PCDHA1: variants seen among roughly 807,000 people sequenced by gnomAD.
The protein encoded by PCDHA1 is protocadherin alpha 1, also known as protocadherin alpha-1.
A neutral mutation model predicts 61.3 loss-of-function variants in PCDHA1; 42 were observed. The observed-to-expected ratio is 0.69, with a 90% CI of 0.54 to 0.89. PCDHA1 has a LOEUF of 0.89. Ranked by LOEUF, PCDHA1 falls within the 40% of genes least tolerant of loss-of-function variation. PCDHA1 has a pLI of 0.00. For missense variants in PCDHA1, 1,256 were observed against 1,235.3 expected (o/e 1.02, Z -0.25); for synonymous variants, 610 against 553.8 (o/e 1.10, Z -1.43).
intron 1 of PCDHA1, among the ~76,000 whole-genome samples, chr5:140,887,315 C>G (rs1239122037): frequency 1.3e-5 from 2 of 152,116 alleles, no homozygotes; most frequent in Non-Finnish European, 2.9e-5. Flanking sequence ...CCAGGATAGT[C>G]TCGAACTCCT....
chr5:140,882,174 CG>C, intron 1 of PCDHA1: 1 of 1,514,752 alleles, frequency 6.6e-7, no homozygotes, highest in South Asian at 1.4e-5. Flanking sequence ...CGAATCCTTC[CG>C]CACTAGGAAG....
At chr5:140,882,087 C>A in intron 1 of PCDHA1, 2 of 1,081,718 alleles carry the variant, frequency 1.8e-6, no homozygotes, top group Non-Finnish European at 2.6e-6. Flanking sequence ...TCGCTCTTCA[C>A]TGAGAACGTT....
chr5:140,808,058 T>G, intron 1 of PCDHA1: 2 of 1,613,892 alleles, frequency 1.2e-6, no homozygotes, highest in African/African-American at 1.3e-5. Flanking sequence ...AAATGTGAAA[T>G]CCAAGTTTCA....
intron 2 of PCDHA1, 35 bp downstream of exon 2, chr5:140,979,042 C>T (rs782163702): frequency 6.2e-7 from 1 of 1,612,562 alleles, no homozygotes; most frequent in African/African-American, 1.3e-5. Context: ...TCAGAAGTAA[C>T]CTTAACTTGG....
At chr5:140,803,013 T>G in intron 1 of PCDHA1, 1 of 1,614,030 alleles carries the variant, frequency 6.2e-7, no homozygotes, top group Non-Finnish European at 8.5e-7. Context: ...CTACAACGCG[T>G]GGCTTTCGTA....
intron 1 of PCDHA1, chr5:140,829,721 C>T: frequency 1.2e-6 from 2 of 1,613,590 alleles, no homozygotes; most frequent in Non-Finnish European, 1.7e-6. Flanking sequence ...GGGCGTGCCG[C>T]CTCTGGGCAG....
intron 3 of PCDHA1, among the ~76,000 whole-genome samples, chr5:141,001,365 T>C (rs577695639): frequency 6.6e-6 from 1 of 152,354 alleles, no homozygotes; most frequent in African/African-American, 2.4e-5. Context: ...AGCCTACTAT[T>C]CTGATTACAG....
chr5:140,794,810 A>T, intron 1 of PCDHA1: 1 of 793,402 alleles, frequency 1.3e-6, no homozygotes. Flanking sequence ...TGTCCACCAT[A>T]GAGTGTTCTC....
At chr5:140,810,968 ATTG>A (rs1373114679) in intron 1 of PCDHA1, 1 of 151,940 alleles carries the variant, frequency 6.6e-6, no homozygotes, top group Non-Finnish European at 1.5e-5. Context: ...TATTTTTATC[ATTG>A]TTGTGAGGTA....
In PCDHA1 at chr5:140,927,522, A is replaced by G. The variant is rs1292484442; in HGVS notation, c.2395-51427A>G. On this transcript the variant is annotated intron_variant, in intron 1 of 3. Coordinates refer to ENST00000504120, the MANE Select transcript of PCDHA1 (RefSeq NM_018900.4). ...TGCTTACAGCTCGGGACGGCGGGCT[A>G]CCTGCCCGCTCAGGAGACGCACAAG... 5.6e-6 allele frequency: 9 copies of G among 1,614,088 alleles called. No homozygotes were observed. In the South Asian group the frequency reaches 9.9e-5, roughly 18 times the overall value.
chr5:140,807,827 G>A (rs782460121), intron 1 of PCDHA1: 14 of 1,614,046 alleles, frequency 8.7e-6, no homozygotes, highest in Non-Finnish European at 1.1e-5. Flanking sequence ...AGTGCTCACA[G>A]CCACTGATGG....
chr5:140,863,231 C>T lies in PCDHA1; in HGVS notation c.2394+74547C>T, dbSNP rs189351986. On this transcript the variant is annotated intron_variant, in intron 1 of 3. Coordinates refer to ENST00000504120, the MANE Select transcript of PCDHA1 (RefSeq NM_018900.4). The stretch of plus-strand genomic sequence containing the variant: ...AGCAGCCAAGCGAGGAAGGTCCCAT[C>T]GCGGGCTTTGGCGGGCGTCGAGGTC... 2.5e-3 allele frequency: 3,078 copies of T among 1,227,642 alleles called. 13 individuals are homozygous for T. Among genetic ancestry groups the T allele is most frequent in the Middle Eastern group, 9.9e-3 (48 of 4,856 alleles). The allele number at this position is 1,227,642 out of a possible 1,614,324, so 76.0% of individuals were successfully genotyped here.
chr5:140,920,387 A>G (rs1163833842), intron 1 of PCDHA1, among the ~76,000 whole-genome samples: 3 of 152,098 alleles, frequency 2.0e-5, no homozygotes, highest in African/African-American at 7.2e-5. Context: ...TCATATTACC[A>G]TCTGGTGTCT....
chr5:140,968,046 T>A (rs1554230254), intron 1 of PCDHA1: 2 of 1,614,072 alleles, frequency 1.2e-6, no homozygotes, highest in African/African-American at 1.3e-5. Context: ...AGCGGCCCAC[T>A]GGACCGAGAG....
chr5:140,987,263 G>C (rs1034230893), intron 3 of PCDHA1, among the ~76,000 whole-genome samples: 14 of 151,908 alleles, frequency 9.2e-5, no homozygotes, highest in Non-Finnish European at 1.8e-4. Context: ...CTCAGGAATG[G>C]GACCCGGCAG....
intron 1 of PCDHA1, chr5:140,809,344 C>G (rs782610697): frequency 5.6e-6 from 9 of 1,613,964 alleles, no homozygotes; most frequent in African/African-American, 1.3e-5. Flanking sequence ...TGCTGTACAC[C>G]GCGCTGCGGT....
chr5:140,805,314 TC>T, intron 1 of PCDHA1: 1 of 1,275,330 alleles, frequency 7.8e-7, no homozygotes, highest in East Asian at 3.4e-5. Flanking sequence ...CCTCCTTTTT[TC>T]CAATGTGCTT....
intron 1 of PCDHA1, chr5:140,835,486 T>C: frequency 6.2e-7 from 1 of 1,613,894 alleles, no homozygotes. Flanking sequence ...CCAGGTACCG[T>C]CATCACATTG....
rs760426957 is a variant in PCDHA1, at chr5:141,009,783, G to A, written c.2699G>A (p.Arg900Gln). 2.5e-6 allele frequency: 4 copies of A among 1,613,880 alleles called. No individual in the cohort carries two copies. Among genetic ancestry groups the A allele is most frequent in the Admixed American group, 3.3e-5 (2 of 59,976 alleles). Reference protein sequence around the residue: ...IPGSPAIISIRQEPTNSQIDK... With the variant: ...IPGSPAIISIQQEPTNSQIDK... ...GGATCTCCTGCAATCATCTCCATCC[G>A]GCAGGAGCCTACTAACAGCCAAATT... is the stretch of plus-strand genomic sequence containing the variant. Residue 900 changes from arginine (R) to glutamine (Q), a missense_variant, in exon 4 of 4, where the codon CGG becomes CAG. Transcript: ENST00000504120.
Sources: gnomAD v4.1 joint callset for allele counts (sites outside exome capture counted in the v4.1 genomes callset) on GRCh38, gnomAD v4.1.1 for gene constraint, MANE v1.5 for transcripts, NCBI Gene and HGNC (gene_info 2026-07-23, HGNC 2026-07-21) for gene names.